The following PTPRD variants were observed in gnomAD, a reference collection of about 807,000 sequenced individuals.
PTPRD encodes receptor-type tyrosine-protein phosphatase delta.
PTPRD carries 34 observed loss-of-function variants against 214.5 expected under a neutral mutation model. The ratio of observed to expected loss-of-function variants is 0.16; its 90% CI spans 0.12 to 0.21. The LOEUF is 0.21. Ranked by LOEUF, PTPRD falls within the 10% of genes least tolerant of loss-of-function variation. PTPRD has a pLI of 1.00. For missense variants in PTPRD, 2,545 were observed against 2,398.7 expected (o/e 1.06, Z -1.27); for synonymous variants, 1,128 against 845.7 (o/e 1.33, Z -5.79).
intron 9 of PTPRD, among the ~76,000 whole-genome samples, chr9:9,381,694 GTTTT>G (rs1447019914): frequency 7.3e-6 from 1 of 137,914 alleles, no homozygotes; most frequent in Non-Finnish European, 1.6e-5. Context: ...TTGTTGTTTT[GTTTT>G]TTGTTTTTTG....
intron 34 of PTPRD, among the ~76,000 whole-genome samples, chr9:8,444,917 C>T (rs2095667215): frequency 6.6e-6 from 1 of 152,170 alleles, no homozygotes; most frequent in Admixed American, 6.5e-5. Flanking sequence ...CACCCAGTTA[C>T]TGCTGTCTAC....
chr9:8,601,440 T>C (rs778888483), intron 14 of PTPRD, among the ~76,000 whole-genome samples: 6 of 152,286 alleles, frequency 3.9e-5, no homozygotes, highest in African/African-American at 9.6e-5. Context: ...CAAGACTCAG[T>C]GCTATTCTTG....
rs534132228 is a variant in PTPRD at position 8,651,905 on chromosome 9, T to C, written c.65-15061A>G. Among the ~76,000 whole-genome samples the C allele has an allele frequency of 9.8e-5, 15 of 152,316 alleles. 1 individual carries two copies. Among genetic ancestry groups the C allele is most frequent in the African/African-American group, 3.4e-4 (14 of 41,562 alleles). On this transcript the variant is annotated intron_variant, in intron 12 of 45. Transcript: ENST00000381196. The stretch of plus-strand genomic sequence containing the variant: ...CGAATATTCTTGAAACAATTTTCAG[T>C]TGGATTACTTTTCAAATATCAAGTC...
chr9:9,339,423 T>A (rs1257514168), intron 9 of PTPRD, among the ~76,000 whole-genome samples: 1 of 151,930 alleles, frequency 6.6e-6, no homozygotes, highest in African/African-American at 2.4e-5. Flanking sequence ...GAGGAGGAGC[T>A]TGCAGTGAGC....
chr9:10,413,224 CA>C (rs2098455379), intron 2 of PTPRD, among the ~76,000 whole-genome samples: 1 of 151,866 alleles, frequency 6.6e-6, no homozygotes, highest in Non-Finnish European at 1.5e-5. Flanking sequence ...AGTCTCAACC[CA>C]AAAGCTCTTT....
At chr9:9,967,665 A>G (rs377206499) in intron 4 of PTPRD, among the ~76,000 whole-genome samples, 1 of 152,188 alleles carries the variant, frequency 6.6e-6, no homozygotes, top group African/African-American at 2.4e-5. Context: ...TTAGGATTAA[A>G]ACAGAAAATG....
chr9:9,043,732 T>C (rs2099654379), intron 10 of PTPRD, among the ~76,000 whole-genome samples: 1 of 151,834 alleles, frequency 6.6e-6, no homozygotes, highest in Non-Finnish European at 1.5e-5. Context: ...GATGAAACCC[T>C]GACTCTACTA....
intron 9 of PTPRD, among the ~76,000 whole-genome samples, chr9:9,316,037 T>C (rs769604057): frequency 2.0e-5 from 3 of 152,018 alleles, no homozygotes; most frequent in Non-Finnish European, 2.9e-5. Context: ...TAAAGCTTTA[T>C]GTTTAGTGCA....
At chr9:8,524,863 C>T (rs765631349) in intron 18 of PTPRD, 62 bp downstream of exon 18, 32 of 1,335,328 alleles carry the variant, frequency 2.4e-5, no homozygotes, top group Admixed American at 8.4e-5. Context: ...ACGGACCCTG[C>T]GGCGTCTCAA....
chr9:9,804,718 C>T (rs2821491), intron 5 of PTPRD, among the ~76,000 whole-genome samples: 139,830 of 151,956 alleles, frequency 0.92, 64,533 homozygotes, highest in East Asian at 1. Context: ...TAATAAAAAG[C>T]TTACTTCTTT....
chr9:8,966,012 A>G (rs987509289), intron 11 of PTPRD, among the ~76,000 whole-genome samples: 3 of 152,140 alleles, frequency 2.0e-5, no homozygotes, highest in Non-Finnish European at 4.4e-5. Context: ...GCTAAGAGAA[A>G]TCAAGAATAC....
chr9:9,772,493 C>T (rs2098760054), intron 5 of PTPRD, among the ~76,000 whole-genome samples: 1 of 152,080 alleles, frequency 6.6e-6, no homozygotes, highest in African/African-American at 2.4e-5. Flanking sequence ...CTCTCACGGG[C>T]TCATATAATA....
intron 18 of PTPRD, 112 bp from the exon 19 acceptor site, chr9:8,523,636 G>T: frequency 8.8e-7 from 1 of 1,139,546 alleles, no homozygotes; most frequent in South Asian, 1.4e-5. Flanking sequence ...ACTGCTACTT[G>T]AACATCTTTA....
chr9:10,581,418 A>G (rs1458598985), intron 2 of PTPRD, among the ~76,000 whole-genome samples: 1 of 152,198 alleles, frequency 6.6e-6, no homozygotes, highest in Non-Finnish European at 1.5e-5. Context: ...CATAGCTATA[A>G]CCAAACAATT....
chr9:10,351,803 G>A (rs2097187973), intron 2 of PTPRD, among the ~76,000 whole-genome samples: 1 of 151,924 alleles, frequency 6.6e-6, no homozygotes, highest in African/African-American at 2.4e-5. Flanking sequence ...GCAGGAAAAT[G>A]TAGAGGCCTA....
intron 5 of PTPRD, among the ~76,000 whole-genome samples, chr9:9,782,710 C>G (rs998346453): frequency 1.3e-5 from 2 of 152,062 alleles, no homozygotes; most frequent in African/African-American, 4.8e-5. Context: ...TATGTGGGAC[C>G]TTCTTAATTA....
intron 3 of PTPRD, among the ~76,000 whole-genome samples, chr9:10,039,135 C>G (rs2097250207): frequency 6.6e-6 from 1 of 152,040 alleles, no homozygotes; most frequent in African/African-American, 2.4e-5. Flanking sequence ...ACTCAATTTC[C>G]TATAGAATTA....
At chr9:10,552,209 G>C (rs2061498332) in intron 2 of PTPRD, among the ~76,000 whole-genome samples, 1 of 152,082 alleles carries the variant, frequency 6.6e-6, no homozygotes, top group Non-Finnish European at 1.5e-5. Context: ...CTCCAAGTTA[G>C]TGTGTGCAGG....
chr9:8,590,168 A>G (rs1471112769), intron 14 of PTPRD, among the ~76,000 whole-genome samples: 4 of 152,194 alleles, frequency 2.6e-5, no homozygotes, highest in Non-Finnish European at 4.4e-5. Flanking sequence ...AGCTGATAAT[A>G]GAAACCAGAT....
Sources: gnomAD v4.1 joint callset for allele counts (sites outside exome capture counted in the v4.1 genomes callset) on GRCh38, gnomAD v4.1.1 for gene constraint, MANE v1.5 for transcripts, NCBI Gene and HGNC (gene_info 2026-07-23, HGNC 2026-07-21) for gene names.